Variants in TIAM1 observed in about 807,000 individuals in gnomAD.
TIAM1 encodes the protein rho guanine nucleotide exchange factor TIAM1.
TIAM1 carries 65 observed loss-of-function variants against 163.5 expected under a neutral mutation model. The ratio of observed to expected loss-of-function variants is 0.40; its 90% confidence interval spans 0.33 to 0.49. The LOEUF (loss-of-function observed/expected upper bound fraction) is 0.49, where lower values mean the gene tolerates loss of function less well. TIAM1 is among the 20% of genes least tolerant of loss of function. TIAM1 has a pLI of 0.77. For synonymous variants in TIAM1, 833 were observed against 810.1 expected (o/e 1.03, Z -0.48); for missense variants, 1,789 against 2,044.7 (o/e 0.87, Z 2.41).
intron 19 of TIAM1, among the ~76,000 whole-genome samples, chr21:31,148,965 TTTTTTTTG>T (rs368861439): frequency 1.1e-4 from 3 of 26,632 alleles, no homozygotes; most frequent in Admixed American, 5.7e-4. Flanking sequence ...TCTTTTTCTT[TTTTTTTTG>T]GTCAAATATA....
intron 12 of TIAM1, among the ~76,000 whole-genome samples, chr21:31,197,539 C>CTTTTTTTTTTTTTTTTTTTTTTTTT (rs58141765): frequency 8.1e-6 from 1 of 123,254 alleles, no homozygotes; most frequent in African/African-American, 3.3e-5. Flanking sequence ...CCGCGCCCGG[C>CTTTTTTTTTTTTTTTTTTTTTTTTT]TTTTTTTTTT....
intron 1 of TIAM1, among the ~76,000 whole-genome samples, chr21:31,538,856 A>G (rs1164065780): frequency 6.6e-6 from 1 of 152,188 alleles, no homozygotes; most frequent in Non-Finnish European, 1.5e-5. Flanking sequence ...ACTTTCCCCA[A>G]GAAGTGGTGG....
intron 13 of TIAM1, among the ~76,000 whole-genome samples, chr21:31,189,619 T>C (rs1010826359): frequency 1.3e-5 from 2 of 152,096 alleles, no homozygotes; most frequent in African/African-American, 2.4e-5. Context: ...AATAGCACAT[T>C]AGCTCTGTAC....
chr21:31,201,703 C>T (rs772448336), intron 12 of TIAM1, among the ~76,000 whole-genome samples: 5 of 152,270 alleles, frequency 3.3e-5, no homozygotes, highest in African/African-American at 7.2e-5. Flanking sequence ...TGTTCAGTTC[C>T]GCTTTCTGTG....
At chr21:31,540,108 G>C (rs111574645) in intron 1 of TIAM1, among the ~76,000 whole-genome samples, 3,962 of 152,238 alleles carry the variant, frequency 0.026, 180 homozygotes, top group African/African-American at 0.09. Flanking sequence ...AGTACAGGCC[G>C]GGCGCAGTGG....
Position 31,379,526 on chromosome 21 carries a change from G to GA in TIAM1, c.-368-40105dup, listed in dbSNP as rs996545027. On this transcript the variant is annotated intron_variant, in intron 2 of 28. Coordinates refer to the TIAM1 transcript ENST00000286827. The stretch of plus-strand genomic sequence containing the variant: ...GGATAATAGAAGACCCAGTCCTTAA[G>GA]AAAAAAAAAAAAATGTGAAAACGTA... Among the ~76,000 whole-genome samples, 740 of 130,912 alleles carry GA rather than the reference G, an allele frequency of 5.7e-3. 2 individuals are homozygous for GA. The highest frequency in any genetic ancestry group is 7.3e-3 in the African/African-American group (260 of 35,628). The allele number at this position is 130,912 out of a possible 152,430, so 85.9% of individuals were successfully genotyped here.
At chr21:31,262,378 C>T (rs956203532) in intron 4 of TIAM1, among the ~76,000 whole-genome samples, 2 of 152,172 alleles carry the variant, frequency 1.3e-5, no homozygotes, top group Non-Finnish European at 1.5e-5. Flanking sequence ...GGCCCAAAGA[C>T]GAACTAGCCA....
chr21:31,137,022 G>A (rs898655684), intron 22 of TIAM1, among the ~76,000 whole-genome samples: 12 of 152,222 alleles, frequency 7.9e-5, no homozygotes, highest in East Asian at 1.9e-4. Context: ...AACTGTCTCC[G>A]ACAGACAAGT....
chr21:31,215,250 T>A (rs1200230132), intron 9 of TIAM1, among the ~76,000 whole-genome samples: 2 of 151,996 alleles, frequency 1.3e-5, no homozygotes, highest in African/African-American at 4.8e-5. Context: ...GAGCCATCTC[T>A]CAGGGCAGAA....
At chr21:31,274,634 C>T (rs1197629749) in intron 3 of TIAM1, among the ~76,000 whole-genome samples, 2 of 152,180 alleles carry the variant, frequency 1.3e-5, no homozygotes, top group Non-Finnish European at 2.9e-5. Context: ...AATGCCCAGC[C>T]CTGTGGGTCA....
At chr21:31,175,605 A>C (rs1359045145) in intron 15 of TIAM1, among the ~76,000 whole-genome samples, 2 of 151,420 alleles carry the variant, frequency 1.3e-5, no homozygotes, top group African/African-American at 2.4e-5. Flanking sequence ...GCTTTATAAA[A>C]CTTTTTTTTT....
At chr21:31,550,511 T>G (rs1601072651) in intron 1 of TIAM1, among the ~76,000 whole-genome samples, 1 of 152,056 alleles carries the variant, frequency 6.6e-6, no homozygotes, top group South Asian at 2.1e-4. Context: ...TGACTGTGAA[T>G]GGGTACAGGG....
At chr21:31,282,381 G>A (rs939229848) in intron 2 of TIAM1, among the ~76,000 whole-genome samples, 9 of 152,306 alleles carry the variant, frequency 5.9e-5, no homozygotes, top group African/African-American at 2.2e-4. Context: ...TCTTGAAGAC[G>A]CAGGATACTG....
At chr21:31,532,793 A>G (rs1320850207) in intron 1 of TIAM1, among the ~76,000 whole-genome samples, 1 of 152,156 alleles carries the variant, frequency 6.6e-6, no homozygotes, top group Admixed American at 6.5e-5. Flanking sequence ...CCATCTCTAC[A>G]AAAAATTAGC....
chr21:31,467,911 C>A (rs956745489), intron 1 of TIAM1, among the ~76,000 whole-genome samples: 12 of 151,402 alleles, frequency 7.9e-5, no homozygotes, highest in African/African-American at 2.7e-4. Context: ...CATGGTGAAA[C>A]CCTGTCTATG....
intron 16 of TIAM1, among the ~76,000 whole-genome samples, chr21:31,161,824 T>C (rs1277589667): frequency 1.3e-5 from 2 of 152,208 alleles, no homozygotes; most frequent in South Asian, 4.1e-4. Flanking sequence ...GAAAAATTAA[T>C]TTTCAGCTTA....
upstream of TIAM1, among the ~76,000 whole-genome samples, chr21:31,344,513 C>T (rs527906832): frequency 5.7e-4 from 87 of 152,260 alleles, no homozygotes; most frequent in African/African-American, 2.0e-3. Flanking sequence ...AGCGTGAGTG[C>T]TTGTCAAATA....
chr21:31,430,221 A>ATAT (rs1188059548), intron 2 of TIAM1, among the ~76,000 whole-genome samples: 3 of 104,832 alleles, frequency 2.9e-5, no homozygotes, highest in East Asian at 2.8e-4. Context: ...AAAAAAAAAA[A>ATAT]AAAAATATAT....
At chr21:31,225,654 A>C in intron 7 of TIAM1, 72 bp downstream of exon 7, 4 of 1,213,652 alleles carry the variant, frequency 3.3e-6, no homozygotes, top group Non-Finnish European at 4.6e-6. Flanking sequence ...ATTCCAAAAC[A>C]GCAAAAAAAA....
Sources: allele counts gnomAD v4.1 joint callset (sites outside exome capture counted in the v4.1 genomes callset), GRCh38; gene constraint gnomAD v4.1.1; transcripts MANE v1.5; gene names NCBI Gene and HGNC (gene_info 2026-07-23, HGNC 2026-07-21).